The following EDEM3 variants were observed in gnomAD, a reference collection of about 807,000 sequenced individuals.
EDEM3 encodes the protein ER degradation enhancing alpha-mannosidase like protein 3.
Under a neutral mutation model 110.2 loss-of-function variants are expected in EDEM3, and 60 were observed. The observed-to-expected ratio is 0.54, with a 90% CI of 0.44 to 0.67. EDEM3 has a LOEUF of 0.67. Ranked by LOEUF, EDEM3 falls within the 30% of genes least tolerant of loss-of-function variation. The pLI, the probability that EDEM3 is intolerant of heterozygous loss-of-function variation, is 0.00. For synonymous variants in EDEM3, 352 were observed against 382.9 expected (o/e 0.92, Z 0.94); for missense variants, 996 against 1,121.0 (o/e 0.89, Z 1.59).
chr1:184,704,909 T>A (rs56735260), intron 18 of EDEM3, among the ~76,000 whole-genome samples: 3,951 of 148,834 alleles, frequency 0.027, 158 homozygotes, highest in African/African-American at 0.084. Flanking sequence ...AAGAAAAAAA[T>A]ATATATAAAA....
intron 6 of EDEM3, among the ~76,000 whole-genome samples, chr1:184,729,693 T>C (rs1158633198): frequency 6.6e-6 from 1 of 152,180 alleles, no homozygotes; most frequent in Non-Finnish European, 1.5e-5. Flanking sequence ...TAAGAAAGGA[T>C]GGGACAGCAG....
chr1:184,706,219 C>G (rs971083209), intron 18 of EDEM3, among the ~76,000 whole-genome samples: 1 of 152,096 alleles, frequency 6.6e-6, no homozygotes, highest in Non-Finnish European at 1.5e-5. Context: ...TGTGGTAGAG[C>G]CAGGAACTGT....
rs773985376 is a variant in EDEM3 at position 184,717,497 on chromosome 1, A to C, written c.1245+43T>G. 9.3e-6 allele frequency: 14 copies of C among 1,508,030 alleles called. No individual in the cohort carries two copies. In the Admixed American group the frequency reaches 2.5e-4, roughly 27 times the overall value. 93.4% of individuals were successfully genotyped at this position (1,508,030 alleles called of 1,614,324 possible). On this transcript the variant is annotated intron_variant, in intron 12 of 19. Coordinates refer to ENST00000318130, the MANE Select transcript of EDEM3 (RefSeq NM_025191.4). Reference sequence around the variant, plus strand: ...TGAAAGAATGAGAGATCCAACAGAGAATGGAGGCTAAACTTTAAGTAAAAT... The same window carrying C: ...TGAAAGAATGAGAGATCCAACAGAGCATGGAGGCTAAACTTTAAGTAAAAT...
intron 9 of EDEM3, among the ~76,000 whole-genome samples, chr1:184,720,346 T>A (rs1378729773): frequency 1.3e-5 from 2 of 152,082 alleles, no homozygotes; most frequent in African/African-American, 4.8e-5. Flanking sequence ...ACTGCTCTAA[T>A]CACTTTGAAT....
At chr1:184,719,848 G>A (rs1203570228) in intron 9 of EDEM3, among the ~76,000 whole-genome samples, 1 of 152,170 alleles carries the variant, frequency 6.6e-6, no homozygotes, top group Admixed American at 6.5e-5. Flanking sequence ...ATGCCCTGTG[G>A]CGTTAGCCCG....
At position 184,692,689 on chromosome 1, in the gene EDEM3, T is replaced by C. The variant is rs1649112973; in HGVS notation, c.*1374A>G. ...ATAAATAAAATGAATAAAGCCATGA[T>C]TTCAACAACAGGGCTGTCTACAAAC... On this transcript the variant is annotated 3_prime_UTR_variant, in exon 20 of 20. Coordinates refer to ENST00000318130, the MANE Select transcript of EDEM3 (RefSeq NM_025191.4). 1 of 151,434 alleles carries C rather than the reference T, an allele frequency of 6.6e-6. No homozygotes were observed. Among genetic ancestry groups the C allele is most frequent in the Non-Finnish European group, 1.5e-5 (1 of 67,888 alleles). 9.4% of individuals were successfully genotyped at this position (151,434 alleles called of 1,614,324 possible). A position where few individuals can be genotyped will look rare whatever the true frequency, so the allele number is the denominator to read the frequency against.
Position 184,754,812 on chromosome 1 carries a change from C to G in EDEM3, c.-166G>C. 8.5e-7 allele frequency: 1 copy of G among 1,181,076 alleles called. No individual in the cohort carries two copies. The highest frequency in any genetic ancestry group is 1.1e-6 in the Non-Finnish European group (1 of 890,734). 73.2% of individuals were successfully genotyped at this position (1,181,076 alleles called of 1,614,324 possible). The stretch of plus-strand genomic sequence containing the variant: ...GTTTCCCGAAGCCACCAAGCCGGTC[C>G]CCAGCGCCAGCGCTGCCACCGCCCT... On this transcript the variant is annotated 5_prime_UTR_variant, in exon 1 of 20. Transcript: ENST00000318130.
chr1:184,696,897 C>T (rs1001669217), intron 19 of EDEM3, among the ~76,000 whole-genome samples: 6 of 151,760 alleles, frequency 4.0e-5, no homozygotes, highest in African/African-American at 1.2e-4. Context: ...GTTACATATA[C>T]GATATTATTT....
chr1:184,714,546 G>A (rs948602188), intron 13 of EDEM3, among the ~76,000 whole-genome samples: 1 of 152,064 alleles, frequency 6.6e-6, no homozygotes, highest in Non-Finnish European at 1.5e-5. Context: ...GATCTATAGG[G>A]TAATAAACCA....
intron 13 of EDEM3, among the ~76,000 whole-genome samples, chr1:184,713,707 A>C (rs1402725837): frequency 6.6e-6 from 1 of 152,214 alleles, no homozygotes; most frequent in Non-Finnish European, 1.5e-5. Flanking sequence ...GAGTAGAACA[A>C]AGAAGTAAAG....
At chr1:184,739,725 G>T (rs1652030077) in intron 2 of EDEM3, among the ~76,000 whole-genome samples, 1 of 152,058 alleles carries the variant, frequency 6.6e-6, no homozygotes, top group Non-Finnish European at 1.5e-5. Flanking sequence ...AGATGGTAAT[G>T]AAGTACATGG....
At chr1:184,735,937 T>C (rs1651799036) in intron 4 of EDEM3, among the ~76,000 whole-genome samples, 1 of 152,220 alleles carries the variant, frequency 6.6e-6, no homozygotes, top group African/African-American at 2.4e-5. Context: ...CTCTTCCATA[T>C]GTTTTCTTTA....
chr1:184,717,261 T>TAA (rs1650603988), intron 12 of EDEM3, among the ~76,000 whole-genome samples: 1 of 152,028 alleles, frequency 6.6e-6, no homozygotes, highest in Admixed American at 6.6e-5. Flanking sequence ...AAAGGCTGCC[T>TAA]GAAGAAAGGC....
chr1:184,701,920 C>T (rs1242823061), intron 19 of EDEM3, among the ~76,000 whole-genome samples: 1 of 152,012 alleles, frequency 6.6e-6, no homozygotes, highest in African/African-American at 2.4e-5. Flanking sequence ...AAATGTCCCA[C>T]TTGGAAGTCA....
Position 184,754,587 on chromosome 1 carries a change from T to A in EDEM3, c.60A>T (p.Arg20Ser), listed in dbSNP as rs193034365. 2.5e-6 allele frequency: 4 copies of A among 1,611,632 alleles called. No homozygotes were observed. In the Admixed American group the frequency reaches 6.7e-5, roughly 27 times the overall value. Reference sequence around the variant, plus strand: ...AGAACGCGGCCGTCGCCGCCACTAGTCTCCATCGCGCTCGCTGGGGAACCG... The same window carrying A: ...AGAACGCGGCCGTCGCCGCCACTAGACTCCATCGCGCTCGCTGGGGAACCG... The part of the protein sequence containing the change: ...GSPVPQRARW[R>S]LVAATAAFCL... The change falls in exon 1 of 20, where the codon AGA (arginine) becomes AGT (serine). Residue 20 changes from arginine to serine, a missense_variant. By Grantham distance (110) the Arg-to-Ser change is moderately radical. This residue lies in a region of EDEM3 where 200 missense variants were observed against 183.8 expected (regional missense o/e 1.09). Transcript: ENST00000318130.
Position 184,697,194 on chromosome 1 carries a change from G to A in EDEM3, c.2390-2722C>T, listed in dbSNP as rs138851935. On this transcript the variant is annotated intron_variant, in intron 19 of 19. Transcript: ENST00000318130. ...TTATTATAAAAGGTATAAGACCCAC[G>A]TTGCTTAAATAAAATCATAATGAGA... 2.9e-3 allele frequency among the ~76,000 whole-genome samples: 438 copies of A among 151,772 alleles called. 5 individuals carry two copies. The East Asian group carries it at 0.035, about 12-fold the overall frequency.
At chr1:184,749,455 A>T in intron 2 of EDEM3, 92 bp downstream of exon 2, 2 of 990,218 alleles carry the variant, frequency 2.0e-6, no homozygotes, top group Non-Finnish European at 1.5e-6. Context: ...AAAAAATGTA[A>T]TTGTATTGTA....
intron 18 of EDEM3, among the ~76,000 whole-genome samples, chr1:184,704,649 CAAAAAAAAAAAAAAAA>C (rs58913815): frequency 1.0e-4 from 3 of 29,904 alleles, no homozygotes; most frequent in East Asian, 1.1e-3. Context: ...GACTCTGTCT[CAAAAAAAAAAAAAAAA>C]AAAAAAAAAA....
rs116758704 is a variant in EDEM3 at position 184,708,769 on chromosome 1, A to G, written c.1846-425T>C. The stretch of plus-strand genomic sequence containing the variant: ...ATCTGTGAAGCACTTATTCCATCTC[A>G]GCACTTGCCTAGGCATTGGAGAGAC... On this transcript the variant is annotated intron_variant, in intron 16 of 19. Transcript: ENST00000318130. Among the ~76,000 whole-genome samples, 433 of 152,378 alleles carry G rather than the reference A, an allele frequency of 2.8e-3. 4 individuals carry two copies. The East Asian group carries it at 0.035, about 12-fold the overall frequency.
Sources: gnomAD v4.1 joint callset for allele counts (sites outside exome capture counted in the v4.1 genomes callset) on GRCh38, gnomAD v4.1.1 for gene constraint, gnomAD v4.1.1 regional missense constraint, MANE v1.5 for transcripts, NCBI Gene and HGNC (gene_info 2026-07-23, HGNC 2026-07-21) for gene names.